The following DPEP1 variants were observed in gnomAD, a reference collection of about 807,000 sequenced individuals.
DPEP1 encodes the protein dipeptidase 1.
Under a neutral mutation model 42.3 loss-of-function variants are expected in DPEP1, and 50 were observed. The observed-to-expected ratio is 1.18, with a 90% CI of 0.94 to 1.50. DPEP1 has a LOEUF of 1.50. Among genes scored for constraint, DPEP1 ranks in the 40% most tolerant of loss-of-function variants. The pLI is 0.00. For synonymous variants in DPEP1, 297 were observed against 234.0 expected (o/e 1.27, Z -2.46); for missense variants, 663 against 553.0 (o/e 1.20, Z -1.99).
chr16:89,635,120 T>TC (rs1434519294), intron 2 of DPEP1, among the ~76,000 whole-genome samples: 1 of 72,416 alleles, frequency 1.4e-5, no homozygotes, highest in African/African-American at 8.2e-5. Flanking sequence ...CCTTCTCCTT[T>TC]CCCTTCCTTC....
At chr16:89,628,869 C>T (rs936003564) in intron 1 of DPEP1, among the ~76,000 whole-genome samples, 7 of 152,022 alleles carry the variant, frequency 4.6e-5, no homozygotes, top group African/African-American at 1.7e-4. Context: ...ATCTGTTGCC[C>T]AGGCTGAAGT....
chr16:89,627,949 G>C (rs2059537668), intron 1 of DPEP1, among the ~76,000 whole-genome samples: 1 of 152,014 alleles, frequency 6.6e-6, no homozygotes, highest in African/African-American at 2.4e-5. Context: ...TTGAGACGGA[G>C]TCTCGCTCTT....
At chr16:89,614,621 C>G (rs951176771) in intron 1 of DPEP1, among the ~76,000 whole-genome samples, 1 of 152,090 alleles carries the variant, frequency 6.6e-6, no homozygotes, top group Non-Finnish European at 1.5e-5. Context: ...GGTGAAACCC[C>G]GTCTCTAATA....
At chr16:89,625,649 TA>T (rs1199741630) in intron 1 of DPEP1, among the ~76,000 whole-genome samples, 1 of 151,964 alleles carries the variant, frequency 6.6e-6, no homozygotes, top group Non-Finnish European at 1.5e-5. Context: ...AGATGGAAGA[TA>T]AGGGCACCCA....
intron 1 of DPEP1, among the ~76,000 whole-genome samples, chr16:89,628,350 C>T (rs1227357546): frequency 3.3e-5 from 5 of 151,022 alleles, no homozygotes; most frequent in Non-Finnish European, 5.9e-5. Context: ...CTCCACCTCC[C>T]GGATTCAAGC....
rs149266877 is a variant in DPEP1 at position 89,636,020 on chromosome 16, G to T, written c.217G>T (p.Ala73Ser). The change falls in exon 3 of 11, where the codon GCC (alanine) becomes TCC (serine). Residue 73 changes from alanine (A) to serine (S), a missense_variant. By Grantham distance (99) the Ala-to-Ser change is moderately conservative. Transcript: ENST00000690203. ...ACACACCAACATCCCCAAGCTGAGG[G>T]CCGGCTTTGTGGGAGGCCAGGTACC... ...GTHTNIPKLR[A>S]GFVGGQFWSV... 6.2e-7 allele frequency: 1 copy of T among 1,610,708 alleles called. No homozygotes were observed. Among genetic ancestry groups the T allele is most frequent in the African/African-American group, 1.3e-5 (1 of 74,898 alleles).
chr16:89,634,250 G>A (rs1014645531), intron 2 of DPEP1, among the ~76,000 whole-genome samples: 6 of 151,626 alleles, frequency 4.0e-5, no homozygotes, highest in Non-Finnish European at 2.9e-5. Flanking sequence ...CACCACTCCC[G>A]GCTAATTTTT....
downstream of DPEP1, among the ~76,000 whole-genome samples, chr16:89,639,198 A>G (rs1449315627): frequency 7.0e-5 from 1 of 14,336 alleles, no homozygotes; most frequent in African/African-American, 3.5e-4. Flanking sequence ...ACCCCTGCAC[A>G]CACCCCCACC....
Position 89,622,082 on chromosome 16 carries a change from G to A in DPEP1, c.-106-8223G>A, listed in dbSNP as rs147733110. On this transcript the variant is annotated intron_variant, in intron 1 of 10. Transcript: ENST00000690203. ...CAGCACCACCCTGTGAGGAGAGCGT[G>A]TGGGGTGGGGCCTCGGTGCACCCAT... Among the ~76,000 whole-genome samples, 708 of 152,282 alleles carry A rather than the reference G, an allele frequency of 4.6e-3. 7 individuals carry two copies. Among genetic ancestry groups the A allele is most frequent in the African/African-American group, 0.016 (672 of 41,542 alleles).
At chr16:89,639,767 C>T (rs574801899), downstream of DPEP1, among the ~76,000 whole-genome samples, 1 of 152,086 alleles carries the variant, frequency 6.6e-6, no homozygotes, top group Non-Finnish European at 1.5e-5. Flanking sequence ...CTCACTGCAA[C>T]CTCCGTCTCC....
At chr16:89,621,442 A>G (rs1597745970) in intron 1 of DPEP1, among the ~76,000 whole-genome samples, 1 of 152,152 alleles carries the variant, frequency 6.6e-6, no homozygotes, top group Non-Finnish European at 1.5e-5. Context: ...GGACTCCCCC[A>G]GTGCAGACAT....
chr16:89,636,551 G>A lies in DPEP1; in HGVS notation c.389G>A (p.Arg130Gln), dbSNP rs756497488. 35 of 1,612,362 alleles carry A rather than the reference G, an allele frequency of 2.2e-5. No homozygotes were observed. Among genetic ancestry groups the A allele is most frequent in the South Asian group, 8.8e-5 (8 of 91,082 alleles). Residue 130 changes from arginine (R) to glutamine (Q), a missense_variant, in exon 5 of 11, where the codon CGG becomes CAG. Arg to Gln is a conservative substitution (Grantham distance 43). Transcript: ENST00000690203. ...CCCGCAGGCATTCGGCAGGCCTTCC[G>A]GGAAGGGAAGGTGGCCAGCCTGATC... The part of the protein sequence containing the change: ...TSSAGIRQAF[R>Q]EGKVASLIGV...
intron 1 of DPEP1, among the ~76,000 whole-genome samples, chr16:89,625,790 G>A (rs993077249): frequency 6.6e-6 from 1 of 152,210 alleles, no homozygotes; most frequent in Non-Finnish European, 1.5e-5. Context: ...TGTGCTCACA[G>A]CAGGACTGTC....
chr16:89,628,813 G>C (rs558822177), intron 1 of DPEP1, among the ~76,000 whole-genome samples: 1 of 151,786 alleles, frequency 6.6e-6, no homozygotes. Context: ...GGGGGAGGGG[G>C]GGCGGTTTGT....
chr16:89,639,052 C>T (rs1185981603), downstream of DPEP1, among the ~76,000 whole-genome samples: 1 of 80,076 alleles, frequency 1.2e-5, no homozygotes, highest in African/African-American at 5.7e-5. Context: ...TGCACGCACA[C>T]ACCCACCGCA....
intron 1 of DPEP1, among the ~76,000 whole-genome samples, chr16:89,614,207 T>C (rs925219455): frequency 6.6e-6 from 1 of 152,078 alleles, no homozygotes; most frequent in Non-Finnish European, 1.5e-5. Context: ...GTCCCTAGGA[T>C]GAGGTCTGGA....
At chr16:89,616,364 C>A (rs975792605) in intron 1 of DPEP1, among the ~76,000 whole-genome samples, 37 of 152,118 alleles carry the variant, frequency 2.4e-4, no homozygotes, top group African/African-American at 8.0e-4. Flanking sequence ...GCAGTATGGC[C>A]CAGCCAGCTG....
chr16:89,641,228 G>A (rs164751), downstream of DPEP1, among the ~76,000 whole-genome samples: 4 of 152,056 alleles, frequency 2.6e-5, no homozygotes, highest in South Asian at 2.1e-4. Flanking sequence ...TGCGGGGGGG[G>A]GTTGACTGAT....
intron 1 of DPEP1, among the ~76,000 whole-genome samples, chr16:89,627,049 C>T (rs2059522904): frequency 6.9e-6 from 1 of 145,412 alleles, no homozygotes; most frequent in Non-Finnish European, 1.5e-5. Flanking sequence ...ATCACGAGGT[C>T]AGGAGATCGA....
Sources: allele counts gnomAD v4.1 joint callset (sites outside exome capture counted in the v4.1 genomes callset), GRCh38; gene constraint gnomAD v4.1.1; transcripts MANE v1.5; gene names NCBI Gene and HGNC (gene_info 2026-07-23, HGNC 2026-07-21).